ILDR2: variants seen among roughly 807,000 people sequenced by gnomAD.
The protein encoded by ILDR2 is immunoglobulin like domain containing receptor 2.
Under a neutral mutation model 66.8 loss-of-function variants are expected in ILDR2, and 25 were observed. The ratio of observed to expected loss-of-function variants is 0.37; its 90% CI spans 0.27 to 0.52. The LOEUF (loss-of-function observed/expected upper bound fraction) is 0.52. Among genes scored for constraint, ILDR2 ranks in the 20% least tolerant of loss-of-function variants. The probability of loss-of-function intolerance (pLI) is 0.88; values close to 1 mark genes in which losing one functional copy is unlikely to be tolerated. For missense variants in ILDR2, 827 were observed against 876.8 expected (o/e 0.94, Z 0.72); for synonymous variants, 367 against 357.2 (o/e 1.03, Z -0.31).
At chr1:166,937,183 A>AAT (rs1358829872) in intron 4 of ILDR2, among the ~76,000 whole-genome samples, 1 of 152,114 alleles carries the variant, frequency 6.6e-6, no homozygotes, top group Admixed American at 6.5e-5. Context: ...TCCTCTCTAT[A>AAT]AAAGTCTAAG....
chr1:166,934,367 G>A (rs996378906), intron 6 of ILDR2, among the ~76,000 whole-genome samples: 17 of 152,024 alleles, frequency 1.1e-4, no homozygotes, highest in African/African-American at 3.1e-4. Context: ...CCTTCATTCC[G>A]CAATATCTCA....
intron 3 of ILDR2, among the ~76,000 whole-genome samples, chr1:166,951,479 A>G (rs1002850712): frequency 6.6e-6 from 1 of 152,220 alleles, no homozygotes; most frequent in East Asian, 1.9e-4. Flanking sequence ...AGTTCCCCTA[A>G]GCCAGTTTGA....
chr1:166,957,845 T>C lies in ILDR2; in HGVS notation c.303A>G (p.Arg101=), dbSNP rs767349561. Residue 101 remains arginine (R), a synonymous_variant, in exon 2 of 10, where the codon CGA becomes CGG. Transcript: ENST00000271417. The part of the protein sequence containing the change: ...LDCLDSRRTV[R]VVASKQGSTV... ...TCGAGCCCTGTTTTGAAGCTACTAC[T>C]CGAACAGTCCTCCTGCTGTCCAAAC... 37 of 1,614,186 alleles carry C rather than the reference T, an allele frequency of 2.3e-5. No homozygotes were observed. The highest frequency in any genetic ancestry group is 3.1e-5 in the Non-Finnish European group (36 of 1,180,030).
intron 3 of ILDR2, among the ~76,000 whole-genome samples, chr1:166,955,822 G>C (rs932289901): frequency 6.6e-6 from 1 of 152,006 alleles, no homozygotes; most frequent in Non-Finnish European, 1.5e-5. Flanking sequence ...CTTTTAATAG[G>C]AGGCACCCTT....
At chr1:166,962,156 G>C (rs1662658323) in intron 1 of ILDR2, among the ~76,000 whole-genome samples, 1 of 152,134 alleles carries the variant, frequency 6.6e-6, no homozygotes, top group African/African-American at 2.4e-5. Flanking sequence ...ATGCCATCCA[G>C]TCCCCAAACT....
At position 166,936,877 on chromosome 1, in the gene ILDR2, C is replaced by A; in HGVS notation, c.557-140G>T. ...AGCTTCTCTTAACAGGAGACAGAGC[C>A]CCAACACTCAAGAGGAACTCTGAGA... On this transcript the variant is annotated intron_variant, in intron 4 of 9. Transcript: ENST00000271417. This position sits in a 1 kb window ranked among gnomAD's most constrained non-coding sequence, Gnocchi z 5.0. 1.3e-6 allele frequency: 1 copy of A among 769,732 alleles called. No homozygotes were observed. Among genetic ancestry groups the A allele is most frequent in the Non-Finnish European group, 2.1e-6 (1 of 465,962 alleles). The allele number at this position is 769,732 out of a possible 1,614,324, so 47.7% of individuals were successfully genotyped here.
intron 3 of ILDR2, among the ~76,000 whole-genome samples, chr1:166,953,609 T>C (rs1662113564): frequency 6.6e-6 from 1 of 152,204 alleles, no homozygotes; most frequent in Non-Finnish European, 1.5e-5. Context: ...CCTGACCTAC[T>C]GCAAAAGACC....
At chr1:166,906,864 CG>C (rs1659360038), downstream of ILDR2, among the ~76,000 whole-genome samples, 1 of 152,192 alleles carries the variant, frequency 6.6e-6, no homozygotes. Flanking sequence ...CTCACCCTCA[CG>C]AATAAACTGT....
At chr1:166,968,844 A>G (rs1218797359) in intron 1 of ILDR2, among the ~76,000 whole-genome samples, 1 of 152,144 alleles carries the variant, frequency 6.6e-6, no homozygotes, top group Non-Finnish European at 1.5e-5. Flanking sequence ...ATTGGAATTG[A>G]GCCAACCCCA....
intron 3 of ILDR2, among the ~76,000 whole-genome samples, chr1:166,944,825 A>G (rs1661518955): frequency 1.3e-5 from 2 of 152,110 alleles, no homozygotes; most frequent in African/African-American, 2.4e-5. Context: ...ACCACTGCAC[A>G]TGCCTTCACT....
At chr1:166,941,812 C>A (rs1259256239) in intron 3 of ILDR2, among the ~76,000 whole-genome samples, 1 of 152,136 alleles carries the variant, frequency 6.6e-6, no homozygotes, top group African/African-American at 2.4e-5. Context: ...TGATCCAAAT[C>A]ATTACTTAAA....
rs1424494054 is a variant in ILDR2 at position 166,911,981 on chromosome 1, A to G, written c.*7374T>C. 2 of 152,166 alleles carry G rather than the reference A, an allele frequency of 1.3e-5. No homozygotes were observed. The highest frequency in any genetic ancestry group is 4.8e-5 in the African/African-American group (2 of 41,466). 9.4% of individuals were successfully genotyped at this position (152,166 alleles called of 1,614,324 possible). A position where few individuals can be genotyped will look rare whatever the true frequency, so the allele number is the denominator to read the frequency against. ...TATTTGATGTGTTAATATAGCTGAG[A>G]GTTTTCCATATTTAATGGGAAATCC... On this transcript the variant is annotated 3_prime_UTR_variant, in exon 10 of 10. Coordinates refer to ENST00000271417, the MANE Select transcript of ILDR2 (RefSeq NM_199351.3).
intron 7 of ILDR2, 23 bp from the exon 8 acceptor site, chr1:166,922,832 G>A (rs1444264593): frequency 1.3e-6 from 2 of 1,591,918 alleles, no homozygotes; most frequent in African/African-American, 2.7e-5. Flanking sequence ...AATCAGGCAT[G>A]ATAGAGCTTT....
Position 166,957,851 on chromosome 1 carries a change from A to G in ILDR2, c.297T>C (p.Thr99=), listed in dbSNP as rs1362451587. ...CCTGTTTTGAAGCTACTACTCGAAC[A>G]GTCCTCCTGCTGTCCAAACAATCCA... ...PYLDCLDSRR[T]VRVVASKQGS... The change falls in exon 2 of 10, where the codon ACT becomes ACC. Residue 99 remains threonine (T), a synonymous_variant. Coordinates refer to ENST00000271417, the MANE Select transcript of ILDR2 (RefSeq NM_199351.3). 1.2e-6 allele frequency: 2 copies of G among 1,614,182 alleles called. No individual in the cohort carries two copies. Among genetic ancestry groups the G allele is most frequent in the East Asian group, 4.5e-5 (2 of 44,878 alleles).
In ILDR2 at chr1:166,916,644, A is replaced by G. The variant is rs1435421893; in HGVS notation, c.*2711T>C. 6.6e-6 allele frequency: 1 copy of G among 152,258 alleles called. No individual in the cohort carries two copies. The highest frequency in any genetic ancestry group is 1.9e-4 in the East Asian group (1 of 5,206). 9.4% of individuals were successfully genotyped at this position (152,258 alleles called of 1,614,324 possible). ...GTCAACTCAGCCTTAACTCCTGTCC[A>G]TATACCCAGAAACAACTGCTTTTTC... On this transcript the variant is annotated 3_prime_UTR_variant, in exon 10 of 10. Coordinates refer to ENST00000271417, the MANE Select transcript of ILDR2 (RefSeq NM_199351.3).
In ILDR2 at chr1:166,909,739, A is replaced by G. The variant is rs1659422980; in HGVS notation, c.*9616T>C. The G allele has an allele frequency of 1.4e-5, 1 of 71,996 alleles. No homozygotes were observed. Among genetic ancestry groups the G allele is most frequent in the South Asian group, 4.7e-4 (1 of 2,110 alleles). 4.5% of individuals were successfully genotyped at this position (71,996 alleles called of 1,614,324 possible). A position where few individuals can be genotyped will look rare whatever the true frequency, so the allele number is the denominator to read the frequency against. The stretch of plus-strand genomic sequence containing the variant: ...TATATGTGTGTGTGTATACATACAT[A>G]TATATATATATATATATATAAATAT... On this transcript the variant is annotated 3_prime_UTR_variant, in exon 10 of 10. Coordinates refer to ENST00000271417, the MANE Select transcript of ILDR2 (RefSeq NM_199351.3).
At chr1:166,968,497 T>C (rs955653600) in intron 1 of ILDR2, among the ~76,000 whole-genome samples, 1 of 152,204 alleles carries the variant, frequency 6.6e-6, no homozygotes, top group African/African-American at 2.4e-5. Context: ...TAAAGACTGA[T>C]ACATGGTAAG....
intron 1 of ILDR2, among the ~76,000 whole-genome samples, chr1:166,967,884 A>G (rs1477542989): frequency 6.6e-6 from 1 of 152,152 alleles, no homozygotes; most frequent in East Asian, 1.9e-4. Context: ...CACCACATCC[A>G]TCTAAGTCAG....
intron 6 of ILDR2, among the ~76,000 whole-genome samples, chr1:166,931,635 G>A (rs1470993527): frequency 6.6e-6 from 1 of 152,174 alleles, no homozygotes; most frequent in East Asian, 1.9e-4. Flanking sequence ...TAAGCAAGGT[G>A]GGAGGTAATG....
Sources: allele counts gnomAD v4.1 joint callset (sites outside exome capture counted in the v4.1 genomes callset), GRCh38; gene constraint gnomAD v4.1.1; non-coding constraint Gnocchi (gnomAD v3.1); transcripts MANE v1.5; gene names NCBI Gene and HGNC (gene_info 2026-07-23, HGNC 2026-07-21).